The following CD5L variants were observed in gnomAD, a reference collection of about 807,000 sequenced individuals.
CD5L encodes the protein CD5 molecule like, also known as CD5 antigen-like.
In CD5L, 39 loss-of-function variants were observed where a neutral mutation model predicts 40.8. The observed-to-expected ratio is 0.96, with a 90% CI of 0.74 to 1.25. The LOEUF (loss-of-function observed/expected upper bound fraction) is 1.25. Among genes scored for constraint, CD5L ranks in the 50% most tolerant of loss-of-function variants. The probability of loss-of-function intolerance (pLI) is 0.00; values close to 1 mark genes in which losing one functional copy is unlikely to be tolerated. For synonymous variants in CD5L, 192 were observed against 169.6 expected (o/e 1.13, Z -1.03); for missense variants, 433 against 435.9 (o/e 0.99, Z 0.06).
Position 157,836,058 on chromosome 1 carries a change from G to A in CD5L, c.153C>T (p.Asp51=), listed in dbSNP as rs1177887476. The A allele has an allele frequency of 6.8e-6, 11 of 1,614,062 alleles. No homozygotes were observed. The East Asian group carries it at 8.9e-5, about 13-fold the overall frequency. The part of the protein sequence containing the change: ...QKGQWGTVCD[D]GWDIKDVAVL... ...CAGCCACGTCCTTAATGTCCCAGCC[G>A]TCATCACACACGGTGCCCCACTGGC... The change falls in exon 3 of 6, where the codon GAC becomes GAT. Residue 51 remains aspartate, a synonymous_variant. Coordinates refer to ENST00000368174, the MANE Select transcript of CD5L (RefSeq NM_005894.3).
Position 157,831,361 on chromosome 1 carries a change from C to T in CD5L, c.*603G>A, listed in dbSNP as rs1036529633. ...TCTAGGATTATAGGACGCTGCTCTG[C>T]TCCTGAAAGAATTGTCTACCTACAC... On this transcript the variant is annotated 3_prime_UTR_variant, in exon 6 of 6. Coordinates refer to ENST00000368174, the MANE Select transcript of CD5L (RefSeq NM_005894.3). The T allele has an allele frequency of 5.1e-6, 5 of 984,972 alleles. No individual in the cohort carries two copies. The African/African-American group carries it at 8.8e-5, about 17-fold the overall frequency. 61.0% of individuals were successfully genotyped at this position (984,972 alleles called of 1,614,324 possible). A position where few individuals can be genotyped will look rare whatever the true frequency, so the allele number is the denominator to read the frequency against.
At chr1:157,837,517 G>A (rs913389600) in intron 2 of CD5L, among the ~76,000 whole-genome samples, 2 of 152,070 alleles carry the variant, frequency 1.3e-5, no homozygotes, top group Admixed American at 6.5e-5. Flanking sequence ...GGAGAGAGAC[G>A]GTTAGCTGAG....
At position 157,834,660 on chromosome 1, in the gene CD5L, G is replaced by GTGC. The variant is rs1557940778; in HGVS notation, c.462_464dup (p.Lys154_His155insGln). On this transcript the variant is annotated inframe_insertion, in exon 4 of 6. Transcript: ENST00000368174. ...GGCACACGGTATACCACTGGTTCTG[G>GTGC]TGCTTCACTTCCACGCGTCCCTTGC... 2 of 1,614,210 alleles carry GTGC rather than the reference G, an allele frequency of 1.2e-6. No homozygotes were observed.
In CD5L at chr1:157,834,423, C is replaced by G. The variant is rs74121553; in HGVS notation, c.702G>C (p.Thr234=). The G allele has an allele frequency of 3.1e-5, 50 of 1,613,412 alleles. No individual in the cohort carries two copies. In the African/African-American group the frequency reaches 5.6e-4, roughly 18 times the overall value. ...GKNTCNHDED[T]WVECEDPFDL... Reference sequence around the variant, plus strand: ...AGGCATTACCTTCACATTCGACCCACGTGTCTTCATCATGGTTGCAGGTGT... The same window carrying G: ...AGGCATTACCTTCACATTCGACCCAGGTGTCTTCATCATGGTTGCAGGTGT... Residue 234 remains threonine, a synonymous_variant, in exon 4 of 6, where the codon ACG becomes ACC. Transcript: ENST00000368174.
chr1:157,839,379 C>T lies in CD5L; in HGVS notation c.55+5G>A. 1 of 1,613,706 alleles carries T rather than the reference C, an allele frequency of 6.2e-7. No individual in the cohort carries two copies. The highest frequency in any genetic ancestry group is 8.5e-7 in the Non-Finnish European group (1 of 1,179,876). ...CTCCCTCTCAGAAACCCCCAAAAAT[C>T]TTACCTAGGAATCCAGGTCTGGTGC... On this transcript the variant is annotated splice_donor_5th_base_variant and intron_variant, in intron 2 of 5. Coordinates refer to ENST00000368174, the MANE Select transcript of CD5L (RefSeq NM_005894.3).
At chr1:157,830,089 T>G (rs1161601669), downstream of CD5L, among the ~76,000 whole-genome samples, 4 of 152,212 alleles carry the variant, frequency 2.6e-5, no homozygotes, top group Non-Finnish European at 4.4e-5. Context: ...ACAATGGAAC[T>G]GCGGGTTAGG....
intron 2 of CD5L, 102 bp from the exon 3 acceptor site, chr1:157,836,257 C>G: frequency 1.1e-6 from 1 of 937,100 alleles, no homozygotes; most frequent in Non-Finnish European, 1.6e-6. Context: ...TCAAATGGTG[C>G]AGAGTGTTGG....
chr1:157,841,630 CA>C, intron 1 of CD5L, 43 bp downstream of exon 1: 1 of 1,588,978 alleles, frequency 6.3e-7, no homozygotes, highest in Non-Finnish European at 8.6e-7. Context: ...ATCAAAGTGC[CA>C]GAAAACTCTG....
At chr1:157,840,107 T>C (rs902511234) in intron 1 of CD5L, among the ~76,000 whole-genome samples, 2 of 152,240 alleles carry the variant, frequency 1.3e-5, no homozygotes, top group African/African-American at 2.4e-5. Context: ...TTTGCTTTTT[T>C]CCTACCATTT....
chr1:157,828,519 T>A (rs527485618), downstream of CD5L, among the ~76,000 whole-genome samples: 2 of 152,226 alleles, frequency 1.3e-5, no homozygotes, highest in East Asian at 3.9e-4. Context: ...CAACTCTCAA[T>A]CAATGGCATA....
In CD5L at chr1:157,835,991, G is replaced by A. The variant is rs1421386291; in HGVS notation, c.220C>T (p.Pro74Ser). Residue 74 changes from proline to serine, a missense_variant, in exon 3 of 6, where the codon CCT (proline) becomes TCT (serine). Transcript: ENST00000368174. ...GGTGGCTCATACAAAATACCACTAG[G>A]GGTTCCGCTGGCAGCTCCACAGCCC... is the stretch of plus-strand genomic sequence containing the variant. ...ELGCGAASGT[P>S]SGILYEPPAE... The A allele has an allele frequency of 6.2e-7, 1 of 1,614,084 alleles. No homozygotes were observed. Among genetic ancestry groups the A allele is most frequent in the Non-Finnish European group, 8.5e-7 (1 of 1,180,026 alleles).
chr1:157,836,289 G>C, intron 2 of CD5L, 134 bp from the exon 3 acceptor site: 1 of 700,270 alleles, frequency 1.4e-6, no homozygotes, highest in Non-Finnish European at 2.3e-6. Flanking sequence ...TAAGGGATCA[G>C]AAGAAAAGGG....
At chr1:157,835,737 C>A in intron 3 of CD5L, 98 bp downstream of exon 3, 1 of 969,974 alleles carries the variant, frequency 1.0e-6, no homozygotes, top group Non-Finnish European at 1.6e-6. Flanking sequence ...GCCAATTAGC[C>A]ATTGTGTGAA....
chr1:157,839,334 C>G, intron 2 of CD5L, 50 bp downstream of exon 2: 1 of 1,588,184 alleles, frequency 6.3e-7, no homozygotes, highest in Non-Finnish European at 8.6e-7. Context: ...TCAAAATTTT[C>G]CCTCTCCTAA....
downstream of CD5L, among the ~76,000 whole-genome samples, chr1:157,827,126 T>C (rs933102152): frequency 2.6e-5 from 4 of 152,338 alleles, no homozygotes; most frequent in Middle Eastern, 6.8e-3. Context: ...ATTTTATATC[T>C]AATTAGATTA....
In CD5L at chr1:157,831,438, AG is replaced by A. The variant is rs1317146810; in HGVS notation, c.*525del. 9.1e-6 allele frequency: 9 copies of A among 984,610 alleles called. No homozygotes were observed. The highest frequency in any genetic ancestry group is 1.1e-5 in the Non-Finnish European group (9 of 829,428). The allele number at this position is 984,610 out of a possible 1,614,324, so 61.0% of individuals were successfully genotyped here. A position where few individuals can be genotyped will look rare whatever the true frequency, so the allele number is the denominator to read the frequency against. ...TGCTATTGTGGTCACCTGAAGCTTG[AG>A]GAAAAAAAAAAAAAGTAGTCCAATC... On this transcript the variant is annotated 3_prime_UTR_variant, in exon 6 of 6. Transcript: ENST00000368174.
rs969306285 is a variant in CD5L, at chr1:157,831,722, A to G, written c.*242T>C. 4 of 1,260,682 alleles carry G rather than the reference A, an allele frequency of 3.2e-6. No homozygotes were observed. The highest frequency in any genetic ancestry group is 4.0e-6 in the Non-Finnish European group (4 of 1,002,196). The allele number at this position is 1,260,682 out of a possible 1,614,324, so 78.1% of individuals were successfully genotyped here. A position where few individuals can be genotyped will look rare whatever the true frequency, so the allele number is the denominator to read the frequency against. On this transcript the variant is annotated 3_prime_UTR_variant, in exon 6 of 6. Transcript: ENST00000368174. Reference sequence around the variant, plus strand: ...GTGTCAAAGGGTCAGGGTTGAGCACAGGATACATGGAAGCTCATCTTCCCC... The same window carrying G: ...GTGTCAAAGGGTCAGGGTTGAGCACGGGATACATGGAAGCTCATCTTCCCC...
intron 3 of CD5L, among the ~76,000 whole-genome samples, chr1:157,835,568 A>T (rs1420188803): frequency 6.6e-6 from 1 of 152,230 alleles, no homozygotes; most frequent in African/African-American, 2.4e-5. Context: ...AGTGGTGTGC[A>T]TGTTGGCATG....
In CD5L at chr1:157,831,094, T is replaced by A; in HGVS notation, c.*870A>T. 1 of 985,368 alleles carries A rather than the reference T, an allele frequency of 1.0e-6. No homozygotes were observed. The allele number at this position is 985,368 out of a possible 1,614,324, so 61.0% of individuals were successfully genotyped here. A position where few individuals can be genotyped will look rare whatever the true frequency, so the allele number is the denominator to read the frequency against. ...AAAGTCTCAGTTGATAAAGTGAAAA[T>A]GATATTTTTCACTTTCGCTTGGCAT... On this transcript the variant is annotated 3_prime_UTR_variant, in exon 6 of 6. Coordinates refer to ENST00000368174, the MANE Select transcript of CD5L (RefSeq NM_005894.3).
Sources: gnomAD v4.1 joint callset for allele counts (sites outside exome capture counted in the v4.1 genomes callset) on GRCh38, gnomAD v4.1.1 for gene constraint, MANE v1.5 for transcripts, NCBI Gene and HGNC (gene_info 2026-07-23, HGNC 2026-07-21) for gene names.